Variants in MPPED2 observed in about 807,000 individuals in gnomAD.
The protein encoded by MPPED2 is metallophosphoesterase domain containing 2, also known as metallophosphoesterase MPPED2.
Under a neutral mutation model 33.0 loss-of-function variants are expected in MPPED2, and 5 were observed. That is an observed-to-expected ratio of 0.15 (90% CI 0.08 to 0.32). The LOEUF (loss-of-function observed/expected upper bound fraction) is 0.32. MPPED2 is among the 10% of genes least tolerant of loss of function. The pLI is 1.00. For synonymous variants in MPPED2, 136 were observed against 141.9 expected (o/e 0.96, Z 0.29); for missense variants, 275 against 372.1 (o/e 0.74, Z 2.15).
chr11:30,499,290 T>C (rs1351996296), intron 3 of MPPED2, among the ~76,000 whole-genome samples: 1 of 152,226 alleles, frequency 6.6e-6, no homozygotes, highest in Non-Finnish European at 1.5e-5. Flanking sequence ...TTATCTGAAA[T>C]GCTTGTGACC....
chr11:30,517,454 CCA>C (rs770139536), intron 3 of MPPED2, among the ~76,000 whole-genome samples: 2 of 152,146 alleles, frequency 1.3e-5, no homozygotes, highest in African/African-American at 2.4e-5. Flanking sequence ...ATTTTTTAAA[CCA>C]ACAATATTGA....
chr11:30,495,579 C>G, intron 3 of MPPED2, 58 bp from the exon 4 acceptor site: 1 of 1,281,646 alleles, frequency 7.8e-7, no homozygotes, highest in East Asian at 2.3e-5. Context: ...CAAAGTACAA[C>G]AGCCGAGACT....
intron 3 of MPPED2, among the ~76,000 whole-genome samples, chr11:30,515,241 G>T (rs951021911): frequency 6.6e-5 from 10 of 152,162 alleles, no homozygotes; most frequent in Non-Finnish European, 1.3e-4. Context: ...AAGAATGGCT[G>T]GGTTTAGGAT....
At chr11:30,447,306 C>T (rs578303) in intron 4 of MPPED2, among the ~76,000 whole-genome samples, 53,568 of 152,124 alleles carry the variant, frequency 0.35, 13,600 homozygotes, top group African/African-American at 0.71. Flanking sequence ...CACAGTAGCC[C>T]ATTATATGGG....
At chr11:30,469,974 T>C (rs985729407) in intron 4 of MPPED2, among the ~76,000 whole-genome samples, 15 of 152,212 alleles carry the variant, frequency 9.9e-5, no homozygotes, top group African/African-American at 3.4e-4. Context: ...GCTAGAATCA[T>C]GTCATTCGAC....
chr11:30,443,970 A>G (rs934735580), intron 4 of MPPED2, among the ~76,000 whole-genome samples: 2 of 152,252 alleles, frequency 1.3e-5, no homozygotes, highest in African/African-American at 4.8e-5. Context: ...GACCTTCTGG[A>G]AAAAGCACTA....
At chr11:30,527,905 A>C (rs1954289490) in intron 3 of MPPED2, among the ~76,000 whole-genome samples, 1 of 152,222 alleles carries the variant, frequency 6.6e-6, no homozygotes, top group South Asian at 2.1e-4. Flanking sequence ...CACAGCAGCA[A>C]ATAACATTTC....
intron 4 of MPPED2, among the ~76,000 whole-genome samples, chr11:30,421,701 G>T (rs11605215): frequency 2.0e-5 from 3 of 152,118 alleles, no homozygotes; most frequent in African/African-American, 7.2e-5. Context: ...CCAAAGCCTG[G>T]GTTCTTCCCT....
chr11:30,497,836 C>T (rs867773459), intron 3 of MPPED2, among the ~76,000 whole-genome samples: 2 of 152,008 alleles, frequency 1.3e-5, no homozygotes, highest in Non-Finnish European at 1.5e-5. Flanking sequence ...AAATGAAGAG[C>T]CACAAAAAAG....
At chr11:30,511,418 C>T (rs866874727) in intron 3 of MPPED2, among the ~76,000 whole-genome samples, 45 of 152,186 alleles carry the variant, frequency 3.0e-4, no homozygotes, top group Admixed American at 1.2e-3. Context: ...AGAGAATTAG[C>T]AGGTCCTATG....
chr11:30,536,241 C>T (rs1954803341), intron 2 of MPPED2, 66 bp from the exon 3 acceptor site: 1 of 1,336,330 alleles, frequency 7.5e-7, no homozygotes. Flanking sequence ...TGTCGTCGCA[C>T]ATACATATTT....
At chr11:30,416,632 A>T (rs1460554355) in intron 5 of MPPED2, among the ~76,000 whole-genome samples, 2 of 152,140 alleles carry the variant, frequency 1.3e-5, no homozygotes, top group African/African-American at 4.8e-5. Context: ...GGTAGATTTC[A>T]TGTTATATGT....
At chr11:30,578,670 A>T (rs551473297) in intron 2 of MPPED2, among the ~76,000 whole-genome samples, 1 of 152,202 alleles carries the variant, frequency 6.6e-6, no homozygotes, top group Admixed American at 6.5e-5. Context: ...GCTTGAATGG[A>T]AACAGCATCT....
At chr11:30,389,900 G>T (rs1455367336) in intron 6 of MPPED2, among the ~76,000 whole-genome samples, 1 of 152,072 alleles carries the variant, frequency 6.6e-6, no homozygotes, top group African/African-American at 2.4e-5. Context: ...ACAAGTTAAT[G>T]GTCAAATACA....
chr11:30,555,848 A>G (rs1364875608), intron 2 of MPPED2, among the ~76,000 whole-genome samples: 1 of 152,152 alleles, frequency 6.6e-6, no homozygotes, highest in Non-Finnish European at 1.5e-5. Context: ...TCCTCTGCAC[A>G]TTCCCCTGGA....
chr11:30,539,864 G>A (rs1387192183), intron 2 of MPPED2, among the ~76,000 whole-genome samples: 2 of 152,166 alleles, frequency 1.3e-5, no homozygotes, highest in Non-Finnish European at 2.9e-5. Context: ...CTGGGCTCAA[G>A]TAATCTTCCC....
At chr11:30,560,547 T>A (rs1198723101) in intron 2 of MPPED2, among the ~76,000 whole-genome samples, 1 of 152,124 alleles carries the variant, frequency 6.6e-6, no homozygotes, top group Non-Finnish European at 1.5e-5. Flanking sequence ...GAACAAGTAT[T>A]TCTCTAGCAA....
intron 4 of MPPED2, among the ~76,000 whole-genome samples, chr11:30,485,429 A>G (rs1590499673): frequency 6.6e-6 from 1 of 152,350 alleles, no homozygotes; most frequent in Non-Finnish European, 1.5e-5. Context: ...AAGGTAAATA[A>G]CATGTGTAAC....
intron 4 of MPPED2, among the ~76,000 whole-genome samples, chr11:30,482,118 A>C (rs949010089): frequency 1.3e-5 from 2 of 152,166 alleles, no homozygotes; most frequent in African/African-American, 4.8e-5. Context: ...AATAAAACTT[A>C]CCCACTGTAA....
Sources: allele counts gnomAD v4.1 joint callset (sites outside exome capture counted in the v4.1 genomes callset), GRCh38; gene constraint gnomAD v4.1.1; transcripts MANE v1.5; gene names NCBI Gene and HGNC (gene_info 2026-07-23, HGNC 2026-07-21).